Variants in SUPT3H observed in about 807,000 individuals in gnomAD.
SUPT3H encodes SPT3 homolog, SAGA and STAGA complex component, also known as transcription initiation protein SPT3 homolog.
SUPT3H carries 44 observed loss-of-function variants against 44.3 expected under a neutral mutation model. The observed-to-expected ratio is 0.99, with a 90% CI of 0.78 to 1.28. The LOEUF is 1.28. SUPT3H is among the 50% of genes most tolerant of loss of function. The probability of loss-of-function intolerance (pLI) is 0.00; values close to 1 mark genes in which losing one functional copy is unlikely to be tolerated. For synonymous variants in SUPT3H, 124 were observed against 125.6 expected (o/e 0.99, Z 0.09); for missense variants, 380 against 387.1 (o/e 0.98, Z 0.15).
intron 3 of SUPT3H, among the ~76,000 whole-genome samples, chr6:45,073,611 A>C (rs1269268314): frequency 6.6e-6 from 1 of 152,052 alleles, no homozygotes; most frequent in Admixed American, 6.6e-5. Context: ...TAGAATAGTC[A>C]CTAATTTATG....
intron 2 of SUPT3H, among the ~76,000 whole-genome samples, chr6:45,286,241 G>GA (rs759150319): frequency 1.3e-5 from 2 of 151,886 alleles, no homozygotes; most frequent in Non-Finnish European, 2.9e-5. Context: ...CCAAAATTGA[G>GA]AAATGGGATC....
At chr6:44,966,554 A>G (rs1203234548) in intron 6 of SUPT3H, among the ~76,000 whole-genome samples, 1 of 152,056 alleles carries the variant, frequency 6.6e-6, no homozygotes, top group African/African-American at 2.4e-5. Context: ...GCATACAGTT[A>G]ATAAAGAGGC....
intron 10 of SUPT3H, among the ~76,000 whole-genome samples, chr6:44,864,573 C>T (rs1023773109): frequency 2.0e-5 from 3 of 152,242 alleles, no homozygotes; most frequent in African/African-American, 7.2e-5. Context: ...TTCTTGACTT[C>T]TGTGCACTGG....
chr6:45,254,854 C>T (rs546385731), intron 2 of SUPT3H, among the ~76,000 whole-genome samples: 5 of 152,228 alleles, frequency 3.3e-5, no homozygotes, highest in Admixed American at 6.5e-5. Context: ...GTGTGCCATT[C>T]GGAGCAGCAT....
intron 2 of SUPT3H, among the ~76,000 whole-genome samples, chr6:45,216,169 G>GA (rs1309292623): frequency 6.6e-6 from 1 of 151,728 alleles, no homozygotes; most frequent in East Asian, 1.9e-4. Context: ...GAACTTACAA[G>GA]AAATGCTTAA....
At chr6:45,182,222 G>C (rs1355013377) in intron 2 of SUPT3H, among the ~76,000 whole-genome samples, 1 of 152,142 alleles carries the variant, frequency 6.6e-6, no homozygotes, top group Non-Finnish European at 1.5e-5. Context: ...AGAGCTTATA[G>C]AGAAATAGCT....
chr6:44,844,404 G>T (rs1372856514), intron 10 of SUPT3H, among the ~76,000 whole-genome samples: 1 of 152,140 alleles, frequency 6.6e-6, no homozygotes, highest in African/African-American at 2.4e-5. Context: ...CAACTCAAGA[G>T]AAATGAAAAC....
At chr6:44,940,104 T>C (rs1443421761) in intron 9 of SUPT3H, among the ~76,000 whole-genome samples, 2 of 152,062 alleles carry the variant, frequency 1.3e-5, no homozygotes, top group Non-Finnish European at 1.5e-5. Flanking sequence ...TGGTATTTTC[T>C]TGCTTTTCTA....
chr6:44,866,356 C>T (rs539883018), intron 10 of SUPT3H, among the ~76,000 whole-genome samples: 2 of 152,020 alleles, frequency 1.3e-5, no homozygotes, highest in African/African-American at 4.8e-5. Context: ...TAGCAGTGCA[C>T]GCCTGTAGTC....
intron 3 of SUPT3H, among the ~76,000 whole-genome samples, chr6:45,032,264 G>C (rs993827183): frequency 6.6e-6 from 1 of 152,010 alleles, no homozygotes; most frequent in African/African-American, 2.4e-5. Flanking sequence ...ATGAAAAGTC[G>C]GGTTTCCCTA....
chr6:44,853,790 A>G (rs997421940), intron 10 of SUPT3H, among the ~76,000 whole-genome samples: 1 of 152,044 alleles, frequency 6.6e-6, no homozygotes, highest in African/African-American at 2.4e-5. Context: ...AAAAATGTGT[A>G]GCAAATAAAG....
intron 2 of SUPT3H, among the ~76,000 whole-genome samples, chr6:45,226,945 T>C (rs1767057964): frequency 6.6e-6 from 1 of 151,864 alleles, no homozygotes; most frequent in Non-Finnish European, 1.5e-5. Flanking sequence ...TACAGTGAGC[T>C]ACGATCATGC....
intron 1 of SUPT3H, among the ~76,000 whole-genome samples, chr6:45,367,606 G>A (rs1314804324): frequency 2.0e-5 from 3 of 152,128 alleles, no homozygotes; most frequent in Non-Finnish European, 4.4e-5. Flanking sequence ...CTCAATAGAA[G>A]GCTGACAGAG....
chr6:44,880,396 T>C (rs939309484), intron 10 of SUPT3H, among the ~76,000 whole-genome samples: 9 of 151,324 alleles, frequency 5.9e-5, no homozygotes, highest in Admixed American at 2.0e-4. Context: ...TGAAAAGGAG[T>C]GAACAAAGCC....
intron 2 of SUPT3H, among the ~76,000 whole-genome samples, chr6:45,246,498 T>C (rs1338090213): frequency 6.6e-6 from 1 of 152,154 alleles, no homozygotes; most frequent in Non-Finnish European, 1.5e-5. Context: ...AAATTATCAG[T>C]CCCATGGTTT....
intron 10 of SUPT3H, among the ~76,000 whole-genome samples, chr6:44,921,282 T>A (rs903683475): frequency 3.3e-5 from 5 of 152,254 alleles, no homozygotes; most frequent in African/African-American, 1.2e-4. Context: ...AATCAAGTGC[T>A]GTCCTTTGTA....
At chr6:45,261,159 T>C (rs1386546338) in intron 2 of SUPT3H, among the ~76,000 whole-genome samples, 1 of 151,930 alleles carries the variant, frequency 6.6e-6, no homozygotes, top group African/African-American at 2.4e-5. Context: ...CTAGTACCAA[T>C]CCTAGTGAAA....
chr6:44,995,283 A>C (rs916873779), intron 6 of SUPT3H, among the ~76,000 whole-genome samples: 2 of 152,074 alleles, frequency 1.3e-5, no homozygotes, highest in Non-Finnish European at 2.9e-5. Flanking sequence ...TCCTGATATA[A>C]TCATGTCTCA....
intron 3 of SUPT3H, among the ~76,000 whole-genome samples, chr6:45,073,927 C>T (rs1794694809): frequency 6.6e-6 from 1 of 151,900 alleles, no homozygotes; most frequent in African/African-American, 2.4e-5. Flanking sequence ...CAGAAAACTG[C>T]AATGAGTGCT....
Sources: allele counts gnomAD v4.1 joint callset (sites outside exome capture counted in the v4.1 genomes callset), GRCh38; gene constraint gnomAD v4.1.1; transcripts MANE v1.5; gene names NCBI Gene and HGNC (gene_info 2026-07-23, HGNC 2026-07-21).